ADAMTS17: variants seen among roughly 807,000 people sequenced by gnomAD.
ADAMTS17 encodes the protein A disintegrin and metalloproteinase with thrombospondin motifs 17.
A neutral mutation model predicts 141.5 loss-of-function variants in ADAMTS17; 113 were observed. That is an observed-to-expected ratio of 0.80 (90% confidence interval 0.69 to 0.93). The LOEUF (loss-of-function observed/expected upper bound fraction) is 0.93, where lower values mean the gene tolerates loss of function less well. ADAMTS17 is among the 40% of genes least tolerant of loss of function. ADAMTS17 has a pLI of 0.00. For synonymous variants in ADAMTS17, 768 were observed against 630.6 expected, an observed-to-expected ratio of 1.22 and a Z score of -3.27; for missense variants, 1,659 against 1,517.9, an observed-to-expected ratio of 1.09 and a Z score of -1.54.
At chr15:100,255,348 G>A (rs1330004509) in intron 6 of ADAMTS17, among the ~76,000 whole-genome samples, 4 of 140,094 alleles carry the variant, frequency 2.9e-5, no homozygotes, top group Middle Eastern at 4.0e-3. Flanking sequence ...CCCAAAGAAC[G>A]CTTGAGATCC....
chr15:100,225,588 G>T (rs1267479161), intron 7 of ADAMTS17, among the ~76,000 whole-genome samples: 3 of 150,090 alleles, frequency 2.0e-5, no homozygotes, highest in Non-Finnish European at 3.0e-5. Context: ...AGCAGTCACG[G>T]TCTCTGTGCC....
chr15:100,111,484 G>GTACC (rs763290810), intron 13 of ADAMTS17, among the ~76,000 whole-genome samples: 12 of 152,234 alleles, frequency 7.9e-5, no homozygotes, highest in Admixed American at 5.9e-4. Flanking sequence ...GGTCACTGAG[G>GTACC]TACCCTCTGG....
intron 8 of ADAMTS17, 21 bp downstream of exon 8, chr15:100,199,297 G>T: frequency 6.2e-7 from 1 of 1,601,638 alleles, no homozygotes; most frequent in South Asian, 1.1e-5. Context: ...AAAACAGGAC[G>T]ACACAGAGTC....
In ADAMTS17 at chr15:100,281,385, C is replaced by T. The variant is rs375365760; in HGVS notation, c.633G>A (p.Thr211=). 5.8e-5 allele frequency: 94 copies of T among 1,612,596 alleles called. No individual in the cohort carries two copies. The South Asian group carries it at 7.2e-4, about 12-fold the overall frequency. The change falls in exon 4 of 22, where the codon ACG becomes ACA. Residue 211 remains threonine, a synonymous_variant. Coordinates refer to ENST00000268070, the MANE Select transcript of ADAMTS17 (RefSeq NM_139057.4). ...CKVLTEKKKP[T]WGRPSRDWRE... ...GCCAGTCCCGCGAAGGCCTGCCCCA[C>T]GTCGGCTTCTTCTTTTCTAGAAAAT...
intron 10 of ADAMTS17, among the ~76,000 whole-genome samples, chr15:100,150,936 TC>T (rs1283633242): frequency 1.3e-5 from 2 of 152,296 alleles, no homozygotes; most frequent in East Asian, 3.9e-4. Context: ...CTCGGTGCCA[TC>T]CGTGCACTGC....
chr15:100,164,664 G>C (rs1227923472), intron 8 of ADAMTS17, among the ~76,000 whole-genome samples: 1 of 152,142 alleles, frequency 6.6e-6, no homozygotes, highest in Non-Finnish European at 1.5e-5. Context: ...CCTAAGGAGG[G>C]AAGTCATACT....
rs757247544 is a variant in ADAMTS17 at position 99,993,020 on chromosome 15, G to C, written c.2949+28C>G. 6.2e-7 allele frequency: 1 copy of C among 1,613,842 alleles called. No individual in the cohort carries two copies. The highest frequency in any genetic ancestry group is 8.5e-7 in the Non-Finnish European group (1 of 1,179,994). ...CTCGAGCCCCCTGCACTGCGGCACG[G>C]AGAGAAATGCCAGCAGGCTGCTCTC... is the stretch of plus-strand genomic sequence containing the variant. On this transcript the variant is annotated intron_variant, in intron 20 of 21. Transcript: ENST00000268070. The surrounding 1 kb of genome is among the most constrained non-coding windows in gnomAD (Gnocchi z 4.3).
intron 3 of ADAMTS17, among the ~76,000 whole-genome samples, chr15:100,292,902 T>C (rs1204120554): frequency 6.6e-6 from 1 of 152,200 alleles, no homozygotes; most frequent in East Asian, 1.9e-4. Flanking sequence ...ACAGATAATA[T>C]TCTCCAAACA....
In ADAMTS17 at chr15:100,221,860, C is replaced by T. The variant is rs539956628; in HGVS notation, c.1076-22437G>A. Among the ~76,000 whole-genome samples, 96 of 152,272 alleles carry T rather than the reference C, an allele frequency of 6.3e-4. 2 individuals carry two copies. The South Asian group carries it at 0.018, about 29-fold the overall frequency. ...CTGCTTGTTGACTTCTGCCTGTGCT[C>T]GGGGTTGGCCCGGCCTTGCACACTC... On this transcript the variant is annotated intron_variant, in intron 7 of 21. Coordinates refer to ENST00000268070, the MANE Select transcript of ADAMTS17 (RefSeq NM_139057.4).
intron 18 of ADAMTS17, among the ~76,000 whole-genome samples, chr15:100,013,384 CTT>C (rs1218457715): frequency 1.3e-5 from 2 of 152,138 alleles, no homozygotes; most frequent in African/African-American, 2.4e-5. Flanking sequence ...ATTTCTTTCT[CTT>C]GTCTGATTGC....
intron 8 of ADAMTS17, among the ~76,000 whole-genome samples, chr15:100,172,807 G>A (rs147234611): frequency 9.9e-4 from 151 of 152,348 alleles, no homozygotes; most frequent in South Asian, 2.7e-3. Context: ...TTCCAACTGC[G>A]AGGAGCACCC....
chr15:100,254,229 G>A (rs1322294425), intron 6 of ADAMTS17, 50 bp from the exon 7 acceptor site: 3 of 1,546,828 alleles, frequency 1.9e-6, no homozygotes, highest in Middle Eastern at 1.7e-4. Context: ...CCCCAAGAAT[G>A]GGAGAAGAAA....
At chr15:100,265,204 G>A (rs945737124) in intron 4 of ADAMTS17, among the ~76,000 whole-genome samples, 1 of 152,194 alleles carries the variant, frequency 6.6e-6, no homozygotes, top group Non-Finnish European at 1.5e-5. Flanking sequence ...CGCACGTTCA[G>A]AATCAACTGA....
chr15:100,111,594 T>C (rs138371031), intron 13 of ADAMTS17, among the ~76,000 whole-genome samples: 1 of 152,376 alleles, frequency 6.6e-6, no homozygotes, highest in East Asian at 1.9e-4. Context: ...CTGCCTCTAC[T>C]GTTTCGTTGA....
intron 20 of ADAMTS17, chr15:99,978,638 G>A (rs1226586185): frequency 6.6e-6 from 1 of 152,240 alleles, no homozygotes; most frequent in Non-Finnish European, 1.5e-5. Context: ...TGAGGTTGAG[G>A]GATGAAGTCA....
intron 7 of ADAMTS17, among the ~76,000 whole-genome samples, chr15:100,207,032 T>C (rs2041597724): frequency 6.6e-6 from 1 of 152,204 alleles, no homozygotes; most frequent in Admixed American, 6.5e-5. Flanking sequence ...TGGGCTAAAC[T>C]GTGTCCCCCT....
At chr15:100,183,342 T>C (rs74921530) in intron 8 of ADAMTS17, among the ~76,000 whole-genome samples, 5,527 of 152,214 alleles carry the variant, frequency 0.036, 170 homozygotes, top group East Asian at 0.17. Context: ...CCCAGCTCAT[T>C]TTTTTTCCAG....
chr15:100,065,742 T>C (rs746533177), intron 15 of ADAMTS17, among the ~76,000 whole-genome samples: 4 of 152,218 alleles, frequency 2.6e-5, no homozygotes, highest in Non-Finnish European at 5.9e-5. Flanking sequence ...CTGGGATACA[T>C]GTGCTGAATG....
chr15:100,082,385 C>A (rs1428364473), intron 15 of ADAMTS17, among the ~76,000 whole-genome samples: 1 of 143,984 alleles, frequency 6.9e-6, no homozygotes, highest in Non-Finnish European at 1.5e-5. Context: ...TTTTGATAGT[C>A]TTTTTTTTTT....
Sources: allele counts gnomAD v4.1 joint callset (sites outside exome capture counted in the v4.1 genomes callset), GRCh38; gene constraint gnomAD v4.1.1; non-coding constraint Gnocchi (gnomAD v3.1); transcripts MANE v1.5; gene names NCBI Gene and HGNC (gene_info 2026-07-23, HGNC 2026-07-21).